SYT1: variants seen among roughly 807,000 people sequenced by gnomAD.
SYT1 encodes synaptotagmin 1, also known as synaptotagmin-1.
Under a neutral mutation model 44.8 loss-of-function variants are expected in SYT1, and 8 were observed. The observed-to-expected ratio is 0.18, with a 90% CI of 0.10 to 0.32. SYT1 has a LOEUF of 0.32. SYT1 is among the 10% of genes least tolerant of loss of function. SYT1 has a pLI of 1.00. For missense variants in SYT1, 286 were observed against 509.3 expected, an observed-to-expected ratio of 0.56 and a Z score of 4.22; for synonymous variants, 154 against 188.8, an observed-to-expected ratio of 0.82 and a Z score of 1.51.
intron 1 of SYT1, among the ~76,000 whole-genome samples, chr12:78,903,481 T>C (rs1461406380): frequency 2.0e-5 from 3 of 151,974 alleles, no homozygotes; most frequent in Non-Finnish European, 4.4e-5. Context: ...GAGATGGGTT[T>C]TCGCCATGTT....
intron 3 of SYT1, among the ~76,000 whole-genome samples, chr12:79,129,163 C>T (rs4572203): frequency 9.9e-4 from 150 of 152,116 alleles, no homozygotes; most frequent in African/African-American, 3.6e-3. Flanking sequence ...CAAAGGACTG[C>T]AATAATTGGT....
chr12:79,425,975 T>G (rs1193688963), intron 9 of SYT1, among the ~76,000 whole-genome samples: 1 of 152,168 alleles, frequency 6.6e-6, no homozygotes, highest in Non-Finnish European at 1.5e-5. Flanking sequence ...TACTCTCTTA[T>G]TCAATTATTC....
At chr12:78,868,787 T>C (rs995506125) in intron 1 of SYT1, 1 of 151,798 alleles carries the variant, frequency 6.6e-6, no homozygotes, top group African/African-American at 2.4e-5. Context: ...TCAGAGATAA[T>C]ATTAATGAGA....
intron 4 of SYT1, among the ~76,000 whole-genome samples, chr12:79,283,899 A>C (rs1367813040): frequency 2.6e-5 from 4 of 151,706 alleles, no homozygotes; most frequent in Non-Finnish European, 4.4e-5. Flanking sequence ...CATAAGCCAG[A>C]ATATTATGCA....
Position 79,117,635 on chromosome 12 carries a change from C to CTGTG in SYT1, c.-18+70289_-18+70292dup, listed in dbSNP as rs150343028. Among the ~76,000 whole-genome samples, 462 of 112,236 alleles carry CTGTG rather than the reference C, an allele frequency of 4.1e-3. 2 individuals are homozygous for CTGTG. Among genetic ancestry groups the CTGTG allele is most frequent in the Admixed American group, 6.6e-3 (64 of 9,630 alleles). 73.6% of individuals were successfully genotyped at this position (112,236 alleles called of 152,430 possible). The stretch of plus-strand genomic sequence containing the variant: ...ACCACAGGACAGATCACAGGACAGG[C>CTGTG]TGTGTGTGTGTGTGTGTGTATTACA... On this transcript the variant is annotated intron_variant, in intron 3 of 10. Coordinates refer to ENST00000261205, the MANE Select transcript of SYT1 (RefSeq NM_005639.3).
At chr12:79,065,105 G>A (rs1875739091) in intron 3 of SYT1, among the ~76,000 whole-genome samples, 1 of 152,140 alleles carries the variant, frequency 6.6e-6, no homozygotes, top group African/African-American at 2.4e-5. Context: ...CAGCGTAGTG[G>A]CTTGTGCCTG....
intron 10 of SYT1, among the ~76,000 whole-genome samples, chr12:79,446,280 CATT>C (rs1478714180): frequency 1.3e-5 from 2 of 151,646 alleles, no homozygotes; most frequent in African/African-American, 4.8e-5. Flanking sequence ...TCATCATCAT[CATT>C]ATTATTCACA....
rs534982688 is a variant in SYT1, at chr12:79,060,780, G to A, written c.-18+13418G>A. On this transcript the variant is annotated intron_variant, in intron 3 of 10. Transcript: ENST00000261205. ...TGCCAATTCTTTGATGGAAAGATAA[G>A]ATGCAAATATAGAAATGCAATGAGT... Among the ~76,000 whole-genome samples the A allele has an allele frequency of 1.5e-4, 23 of 152,154 alleles. No individual in the cohort carries two copies. The South Asian group carries it at 3.5e-3, about 23-fold the overall frequency.
chr12:78,961,736 C>A (rs1879516074), intron 1 of SYT1, among the ~76,000 whole-genome samples: 1 of 152,042 alleles, frequency 6.6e-6, no homozygotes, highest in Non-Finnish European at 1.5e-5. Flanking sequence ...ATAAAATGAC[C>A]ATCCTTCCAG....
chr12:79,130,388 G>A (rs1419110528), intron 3 of SYT1, among the ~76,000 whole-genome samples: 1 of 152,088 alleles, frequency 6.6e-6, no homozygotes, highest in Non-Finnish European at 1.5e-5. Context: ...GCATTATATT[G>A]TCCACCATCT....
chr12:78,930,577 T>C (rs1268396801), intron 1 of SYT1, among the ~76,000 whole-genome samples: 1 of 151,890 alleles, frequency 6.6e-6, no homozygotes, highest in Non-Finnish European at 1.5e-5. Context: ...TTGGAAAGGA[T>C]GATCGAAGCC....
chr12:79,070,435 C>A (rs1464562470), intron 3 of SYT1, among the ~76,000 whole-genome samples: 1 of 151,874 alleles, frequency 6.6e-6, no homozygotes, highest in Non-Finnish European at 1.5e-5. Context: ...ATTAGCGTTG[C>A]ATTATCTCTT....
chr12:79,094,676 A>G (rs2138019389), intron 3 of SYT1, among the ~76,000 whole-genome samples: 1 of 152,022 alleles, frequency 6.6e-6, no homozygotes, highest in South Asian at 2.1e-4. Flanking sequence ...AAGATTTTTC[A>G]TTTGTTTTAA....
At chr12:78,995,250 G>A (rs1870300294) in intron 2 of SYT1, among the ~76,000 whole-genome samples, 1 of 152,116 alleles carries the variant, frequency 6.6e-6, no homozygotes, top group African/African-American at 2.4e-5. Context: ...ATTGAAACCA[G>A]GCCCAAACTT....
At chr12:79,308,618 AAGAAAG>A (rs1565901526) in intron 8 of SYT1, among the ~76,000 whole-genome samples, 16 of 25,308 alleles carry the variant, frequency 6.3e-4, no homozygotes, top group Admixed American at 3.8e-3. Context: ...AAGAAAAAGA[AAGAAAG>A]AAAGAAAGAA....
At chr12:79,246,938 T>G (rs1876885796) in intron 4 of SYT1, among the ~76,000 whole-genome samples, 1 of 152,208 alleles carries the variant, frequency 6.6e-6, no homozygotes, top group Non-Finnish European at 1.5e-5. Flanking sequence ...AAGGGTTCAG[T>G]ATAAGGTTGA....
chr12:78,976,297 G>A (rs940677582), intron 1 of SYT1, among the ~76,000 whole-genome samples: 1 of 152,092 alleles, frequency 6.6e-6, no homozygotes, highest in Non-Finnish European at 1.5e-5. Flanking sequence ...AGATAGTAAA[G>A]AAGTATTAAA....
chr12:79,446,284 A>G (rs1296097809), intron 10 of SYT1, among the ~76,000 whole-genome samples: 2 of 151,876 alleles, frequency 1.3e-5, no homozygotes, highest in East Asian at 3.9e-4. Flanking sequence ...CATCATCATT[A>G]TTATTCACAT....
intron 1 of SYT1, among the ~76,000 whole-genome samples, chr12:78,974,584 C>T (rs945332805): frequency 1.3e-5 from 2 of 151,872 alleles, no homozygotes; most frequent in Non-Finnish European, 2.9e-5. Flanking sequence ...CTACAGCCAC[C>T]CGCCACCATG....
Sources: allele counts gnomAD v4.1 joint callset (sites outside exome capture counted in the v4.1 genomes callset), GRCh38; gene constraint gnomAD v4.1.1; transcripts MANE v1.5; gene names NCBI Gene and HGNC (gene_info 2026-07-23, HGNC 2026-07-21).